The following ANLN variants were observed in gnomAD, a reference collection of about 807,000 sequenced individuals.
ANLN encodes the protein anillin, actin binding protein, also known as anillin.
A neutral mutation model predicts 135.1 loss-of-function variants in ANLN; 59 were observed. The observed-to-expected ratio is 0.44, with a 90% CI of 0.35 to 0.54. ANLN has a LOEUF of 0.54. ANLN is among the 20% of genes least tolerant of loss of function. ANLN has a pLI of 0.00. For synonymous variants in ANLN, 406 were observed against 456.4 expected, an observed-to-expected ratio of 0.89 and a Z score of 1.41; for missense variants, 1,182 against 1,340.0, an observed-to-expected ratio of 0.88 and a Z score of 1.84.
At chr7:36,396,925 A>G (rs546750622) in intron 2 of ANLN, among the ~76,000 whole-genome samples, 3 of 152,290 alleles carry the variant, frequency 2.0e-5, no homozygotes, top group African/African-American at 7.2e-5. Context: ...GTGGAATTAA[A>G]CACAAGCACA....
chr7:36,399,156 A>C lies in ANLN; in HGVS notation c.250A>C (p.Asn84His), dbSNP rs371728577. Residue 84 changes from asparagine to histidine, a missense_variant, in exon 3 of 24, where the codon AAT becomes CAT. Transcript: ENST00000265748. Reference sequence around the variant, plus strand: ...TGAAGTAGAAGTTTCTAACTTGGAAAATAAACAACCAGTTGAGTCGACATC... The same window carrying C: ...TGAAGTAGAAGTTTCTAACTTGGAACATAAACAACCAGTTGAGTCGACATC... ...NTEVEVSNLE[N>H]KQPVESTSAK... 17 of 1,614,066 alleles carry C rather than the reference A, an allele frequency of 1.1e-5. No homozygotes were observed. The highest frequency in any genetic ancestry group is 1.4e-5 in the Non-Finnish European group (16 of 1,180,042).
chr7:36,402,112 A>AT (rs572615037), intron 3 of ANLN, among the ~76,000 whole-genome samples: 37,021 of 89,738 alleles, frequency 0.41, 12,872 homozygotes, highest in South Asian at 0.6. Flanking sequence ...CAATAAAGCT[A>AT]TTTTTTTTTT....
At chr7:36,396,159 T>G in intron 1 of ANLN, 107 bp from the exon 2 acceptor site, 1 of 904,694 alleles carries the variant, frequency 1.1e-6, no homozygotes, top group Non-Finnish European at 1.5e-6. Flanking sequence ...TTTTGAAATG[T>G]GTTTAACTGT....
intron 23 of ANLN, among the ~76,000 whole-genome samples, chr7:36,451,216 C>T (rs1224215195): frequency 6.6e-6 from 1 of 152,168 alleles, no homozygotes; most frequent in Non-Finnish European, 1.5e-5. Context: ...GCCTTTTGGA[C>T]TTAGGCCTTT....
chr7:36,419,136 A>C (rs1787766787), intron 9 of ANLN, 108 bp from the exon 10 acceptor site: 1 of 712,664 alleles, frequency 1.4e-6, no homozygotes, highest in Non-Finnish European at 2.2e-6. Flanking sequence ...CTTTTTTTTA[A>C]GGCATTTTTT....
chr7:36,421,686 T>A (rs749097008), intron 12 of ANLN, among the ~76,000 whole-genome samples, 171 bp from the exon 13 acceptor site: 49 of 152,370 alleles, frequency 3.2e-4, no homozygotes, highest in Non-Finnish European at 5.7e-4. Flanking sequence ...TATTGTAACA[T>A]GCTAAATGTT....
At position 36,453,789 on chromosome 7, in the gene ANLN, G is replaced by A. The variant is rs117648797; in HGVS notation, c.*1189G>A. The A allele has an allele frequency of 0.02, 3,017 of 152,632 alleles. 47 individuals are homozygous for A. Among genetic ancestry groups the A allele is most frequent in the Middle Eastern group, 0.054 (16 of 294 alleles). 9.5% of individuals were successfully genotyped at this position (152,632 alleles called of 1,614,324 possible). The stretch of plus-strand genomic sequence containing the variant: ...AATAAATACCTGTAAATGTCTAAAG[G>A]AATCAGTTGTTTAGGAAGCACTGTT... On this transcript the variant is annotated 3_prime_UTR_variant, in exon 24 of 24. Transcript: ENST00000265748.
chr7:36,451,573 C>A (rs923683578), intron 23 of ANLN, among the ~76,000 whole-genome samples: 2 of 152,190 alleles, frequency 1.3e-5, no homozygotes, highest in Non-Finnish European at 2.9e-5. Flanking sequence ...CTTCAGACAA[C>A]AGAGATGAAT....
At chr7:36,435,724 T>G (rs1224758588) in intron 20 of ANLN, among the ~76,000 whole-genome samples, 1 of 150,326 alleles carries the variant, frequency 6.7e-6, no homozygotes, top group Non-Finnish European at 1.5e-5. Flanking sequence ...ATACAAAAAA[T>G]TAGCCGGGCG....
intron 7 of ANLN, among the ~76,000 whole-genome samples, 184 bp from the exon 8 acceptor site, chr7:36,415,574 A>G (rs564799292): frequency 2.6e-5 from 4 of 152,282 alleles, no homozygotes; most frequent in South Asian, 2.1e-4. Flanking sequence ...AAGAATGTGA[A>G]CTAGCACTGA....
chr7:36,426,930 G>A lies in ANLN; in HGVS notation c.2785G>A (p.Gly929Arg). ...NIHSSVMASP[G>R]GLSAVRTSNF... is the part of the protein sequence containing the mutation. ...GTTCTTCACAGTCATGGCCAGTCCA[G>A]GAGGTCTTAGTGCTGTGCGAACCAG... Residue 929 changes from glycine (G) to arginine (R), a missense_variant, in exon 20 of 24, where the codon GGA becomes AGA. By Grantham distance (125) the Gly-to-Arg change is moderately radical (BLOSUM62 -2). This residue lies in a region of ANLN where 1,022 missense variants were observed against 1,134.0 expected (regional missense o/e 0.90). Coordinates refer to ENST00000265748, the MANE Select transcript of ANLN (RefSeq NM_018685.5). 6.2e-7 allele frequency: 1 copy of A among 1,605,516 alleles called. No homozygotes were observed. The highest frequency in any genetic ancestry group is 8.5e-7 in the Non-Finnish European group (1 of 1,177,266).
chr7:36,403,014 G>A (rs980163590), intron 3 of ANLN, among the ~76,000 whole-genome samples: 1 of 152,194 alleles, frequency 6.6e-6, no homozygotes, highest in Non-Finnish European at 1.5e-5. Context: ...CTACTTGGGA[G>A]GCTGAGGCAG....
intron 17 of ANLN, among the ~76,000 whole-genome samples, chr7:36,424,990 A>G (rs1410433505): frequency 2.6e-5 from 4 of 152,116 alleles, no homozygotes; most frequent in Non-Finnish European, 4.4e-5. Context: ...TTACTTGGCA[A>G]CTTTTATAAC....
intron 19 of ANLN, 62 bp from the exon 20 acceptor site, chr7:36,426,854 A>C: frequency 1.0e-6 from 1 of 998,402 alleles, no homozygotes; most frequent in Non-Finnish European, 1.5e-6. Flanking sequence ...GGGGTGAGGA[A>C]TTGTTACTTA....
At chr7:36,395,451 A>G (rs1057150361) in intron 1 of ANLN, among the ~76,000 whole-genome samples, 3 of 152,292 alleles carry the variant, frequency 2.0e-5, no homozygotes, top group African/African-American at 7.2e-5. Context: ...TTCCATCATA[A>G]GGACCTTTGT....
intron 5 of ANLN, among the ~76,000 whole-genome samples, chr7:36,408,485 A>G (rs1787280794): frequency 6.6e-6 from 1 of 152,234 alleles, no homozygotes; most frequent in Non-Finnish European, 1.5e-5. Context: ...TCGGGAGTAC[A>G]TTTGATAACT....
intron 14 of ANLN, 86 bp from the exon 15 acceptor site, chr7:36,423,731 C>T: frequency 4.0e-6 from 5 of 1,255,796 alleles, no homozygotes; most frequent in East Asian, 2.6e-5. Context: ...GTTCAATATT[C>T]CTTTATTTCT....
intron 3 of ANLN, among the ~76,000 whole-genome samples, chr7:36,405,935 A>T (rs565773603): frequency 4.0e-4 from 61 of 152,326 alleles, no homozygotes; most frequent in Middle Eastern, 3.4e-3. Context: ...TATCTTATTC[A>T]TGATCCATTG....
intron 7 of ANLN, among the ~76,000 whole-genome samples, chr7:36,412,054 C>T (rs192767767): frequency 7.9e-4 from 120 of 152,086 alleles, no homozygotes; most frequent in Admixed American, 2.8e-3. Context: ...TATACCTTGT[C>T]ATCTAAAACA....
Sources: gnomAD v4.1 joint callset for allele counts (sites outside exome capture counted in the v4.1 genomes callset) on GRCh38, gnomAD v4.1.1 for gene constraint, gnomAD v4.1.1 regional missense constraint, MANE v1.5 for transcripts, NCBI Gene and HGNC (gene_info 2026-07-23, HGNC 2026-07-21) for gene names.